The following ZNF862 variants were observed in gnomAD, a reference collection of about 807,000 sequenced individuals.
The protein encoded by ZNF862 is zinc finger protein 862.
In ZNF862, 64 loss-of-function variants were observed where a neutral mutation model predicts 91.1. The ratio of observed to expected loss-of-function variants is 0.70; its 90% CI spans 0.57 to 0.87. The LOEUF is 0.87. ZNF862 is among the 40% of genes least tolerant of loss of function. The pLI is 0.00. For synonymous variants in ZNF862, 631 were observed against 618.1 expected (o/e 1.02, Z -0.31); for missense variants, 1,459 against 1,528.0 (o/e 0.95, Z 0.75).
chr7:149,850,070 A>C lies in ZNF862; in HGVS notation c.940-91A>C. On this transcript the variant is annotated intron_variant, in intron 4 of 7. Coordinates refer to ENST00000223210, the MANE Select transcript of ZNF862 (RefSeq NM_001099220.3). The surrounding 1 kb of genome is among the most constrained non-coding windows in gnomAD (Gnocchi z 4.2). Reference sequence around the variant, plus strand: ...ATCTGGGCCTCTTGGTGAGCTTCCCAGGAGAAATAGGGCTTCCAAAGGCCC... The same window carrying C: ...ATCTGGGCCTCTTGGTGAGCTTCCCCGGAGAAATAGGGCTTCCAAAGGCCC... 1 of 1,390,508 alleles carries C rather than the reference A, an allele frequency of 7.2e-7. No individual in the cohort carries two copies. Among genetic ancestry groups the C allele is most frequent in the Non-Finnish European group, 9.9e-7 (1 of 1,006,252 alleles). 86.1% of individuals were successfully genotyped at this position (1,390,508 alleles called of 1,614,324 possible). A position where few individuals can be genotyped will look rare whatever the true frequency, so the allele number is the denominator to read the frequency against.
rs976210835 is a variant in ZNF862 at position 149,865,651 on chromosome 7, T to G, written c.*1367T>G. On this transcript the variant is annotated 3_prime_UTR_variant, in exon 8 of 8. Coordinates refer to ENST00000223210, the MANE Select transcript of ZNF862 (RefSeq NM_001099220.3). Reference sequence around the variant, plus strand: ...GGATGATTTTGTCTAGGTTCTGCCTTCCTTAACCATGGGCAGGAAATGAGG... The same window carrying G: ...GGATGATTTTGTCTAGGTTCTGCCTGCCTTAACCATGGGCAGGAAATGAGG... The G allele has an allele frequency of 5.3e-5, 8 of 152,216 alleles. No individual in the cohort carries two copies. Among genetic ancestry groups the G allele is most frequent in the Non-Finnish European group, 8.8e-5 (6 of 68,050 alleles). 9.4% of individuals were successfully genotyped at this position (152,216 alleles called of 1,614,324 possible). A position where few individuals can be genotyped will look rare whatever the true frequency, so the allele number is the denominator to read the frequency against.
intron 5 of ZNF862, chr7:149,851,491 AGAGT>A (rs1586053119): frequency 6.6e-6 from 1 of 152,240 alleles, no homozygotes; most frequent in Non-Finnish European, 1.5e-5. Context: ...AAGAGCAGTG[AGAGT>A]GAGGGCGAAA....
intron 1 of ZNF862, 55 bp downstream of exon 1, chr7:149,838,690 G>C: frequency 1.7e-6 from 2 of 1,158,594 alleles, no homozygotes; most frequent in Non-Finnish European, 2.2e-6. Flanking sequence ...CCCCGAGCCG[G>C]GCTCGGGCGA....
chr7:149,866,104 C>T lies in ZNF862; in HGVS notation c.*1820C>T, dbSNP rs541594167. On this transcript the variant is annotated 3_prime_UTR_variant, in exon 8 of 8. Coordinates refer to ENST00000223210, the MANE Select transcript of ZNF862 (RefSeq NM_001099220.3). ...TTTCATCCCCACCCCAGTACTTAGC[C>T]TTAGCACTGTTGCTTTCGTGTCATT... The T allele has an allele frequency of 8.3e-4, 127 of 152,352 alleles. No homozygotes were observed. Among genetic ancestry groups the T allele is most frequent in the African/African-American group, 2.9e-3 (121 of 41,580 alleles). The allele number at this position is 152,352 out of a possible 1,614,324, so 9.4% of individuals were successfully genotyped here.
intron 7 of ZNF862, among the ~76,000 whole-genome samples, 169 bp downstream of exon 7, chr7:149,862,663 G>C (rs1802561390): frequency 6.6e-6 from 1 of 152,226 alleles, no homozygotes; most frequent in African/African-American, 2.4e-5. Flanking sequence ...ACCCCTGCCA[G>C]GGAGATGACG....
chr7:149,858,450 A>G (rs768832578), intron 5 of ZNF862: 1 of 152,200 alleles, frequency 6.6e-6, no homozygotes, highest in Non-Finnish European at 1.5e-5. Flanking sequence ...ATTGACACAC[A>G]CATATATGTA....
chr7:149,842,142 G>A (rs965545720), intron 1 of ZNF862, among the ~76,000 whole-genome samples: 2 of 152,260 alleles, frequency 1.3e-5, no homozygotes, highest in African/African-American at 2.4e-5. Flanking sequence ...CGTGAATCGC[G>A]ACTTTATGGG....
chr7:149,858,194 T>C (rs539853286), intron 5 of ZNF862, among the ~76,000 whole-genome samples: 7 of 152,302 alleles, frequency 4.6e-5, no homozygotes, highest in African/African-American at 1.7e-4. Context: ...ACCAGCTTGC[T>C]TCTCCTTGTT....
At chr7:149,854,158 C>T (rs1802174687) in intron 5 of ZNF862, among the ~76,000 whole-genome samples, 1 of 152,146 alleles carries the variant, frequency 6.6e-6, no homozygotes. Context: ...GCTCTGGGGG[C>T]CTTTTCTTTC....
At position 149,861,481 on chromosome 7, in the gene ZNF862, T is replaced by C. The variant is rs764843373; in HGVS notation, c.2321T>C (p.Leu774Pro). 1 of 1,612,910 alleles carries C rather than the reference T, an allele frequency of 6.2e-7. No individual in the cohort carries two copies. The highest frequency in any genetic ancestry group is 8.5e-7 in the Non-Finnish European group (1 of 1,179,694). The part of the protein sequence containing the change: ...LNELQEGAAP[L>P]EQEIIRLKDL... ...GAGCTGCAGGAAGGTGCGGCGCCTCTGGAGCAGGAGATCATCCGCCTGAAG... is the reference window on the plus strand; with the variant it reads ...GAGCTGCAGGAAGGTGCGGCGCCTCCGGAGCAGGAGATCATCCGCCTGAAG... The change falls in exon 7 of 8, where the codon CTG (leucine) becomes CCG (proline). Residue 774 changes from leucine to proline, a missense_variant. Leu to Pro is a moderately conservative substitution (Grantham distance 98). Coordinates refer to ENST00000223210, the MANE Select transcript of ZNF862 (RefSeq NM_001099220.3). This position sits in a 1 kb window ranked among gnomAD's most constrained non-coding sequence, Gnocchi z 6.7.
intron 7 of ZNF862, among the ~76,000 whole-genome samples, chr7:149,862,796 T>C (rs1411585985): frequency 3.3e-5 from 5 of 152,224 alleles, no homozygotes; most frequent in Non-Finnish European, 2.9e-5. Context: ...GGCAAGTCTG[T>C]CCTTTGATGC....
intron 3 of ZNF862, 22 bp from the exon 4 acceptor site, chr7:149,847,713 C>T: frequency 6.4e-7 from 1 of 1,573,932 alleles, no homozygotes; most frequent in Non-Finnish European, 8.6e-7. Context: ...TAAAGCCAAT[C>T]CCTTCTGTCT....
chr7:149,863,851 C>T (rs968390819), intron 7 of ZNF862, among the ~76,000 whole-genome samples: 1 of 152,236 alleles, frequency 6.6e-6, no homozygotes, highest in Non-Finnish European at 1.5e-5. Context: ...GCACACACCC[C>T]ATTTGTGACC....
chr7:149,862,171 C>T lies in ZNF862; in HGVS notation c.3011C>T (p.Pro1004Leu), dbSNP rs751093318. Residue 1004 changes from proline (P) to leucine (L), a missense_variant, in exon 7 of 8, where the codon CCG (proline) becomes CTG (leucine). Coordinates refer to ENST00000223210, the MANE Select transcript of ZNF862 (RefSeq NM_001099220.3). ...LGLKTIAQHL[P>L]FSMLCKNALA... ...CTGAAAACCATTGCCCAGCACCTCC[C>T]GTTCTCCATGCTCTGCAAAAACGCC... 8.1e-6 allele frequency: 13 copies of T among 1,613,298 alleles called. No individual in the cohort carries two copies. The highest frequency in any genetic ancestry group is 4.5e-5 in the East Asian group (2 of 44,856).
intron 1 of ZNF862, among the ~76,000 whole-genome samples, chr7:149,839,527 C>G (rs1801629058): frequency 6.6e-6 from 1 of 152,200 alleles, no homozygotes. Context: ...GATCACCTTT[C>G]TCAAGGAGCT....
chr7:149,864,016 A>G lies in ZNF862; in HGVS notation c.3335-93A>G, dbSNP rs1802618265. The G allele has an allele frequency of 2.2e-6, 3 of 1,362,588 alleles. No homozygotes were observed. In the African/African-American group the frequency reaches 4.4e-5, roughly 20 times the overall value. 84.4% of individuals were successfully genotyped at this position (1,362,588 alleles called of 1,614,324 possible). The stretch of plus-strand genomic sequence containing the variant: ...GTCCTGACTTCAGTCTGTTCTGCCA[A>G]GCTTTCCTCACCAAACAGCCCCTGG... On this transcript the variant is annotated intron_variant, in intron 7 of 7. Coordinates refer to ENST00000223210, the MANE Select transcript of ZNF862 (RefSeq NM_001099220.3).
At chr7:149,857,894 C>T (rs1304894426) in intron 5 of ZNF862, among the ~76,000 whole-genome samples, 2 of 152,146 alleles carry the variant, frequency 1.3e-5, no homozygotes, top group African/African-American at 4.8e-5. Context: ...ATAGACATGA[C>T]TCGATCTCCC....
At position 149,838,389 on chromosome 7, in the gene ZNF862, T is replaced by C; in HGVS notation, c.-223T>C. On this transcript the variant is annotated 5_prime_UTR_variant, in exon 1 of 8. Transcript: ENST00000223210. Reference sequence around the variant, plus strand: ...TGGGGCTGGGCAGTGACCGTAAAGCTGTTCGCTCGGTGCGACGCAAGTCTC... The same window carrying C: ...TGGGGCTGGGCAGTGACCGTAAAGCCGTTCGCTCGGTGCGACGCAAGTCTC... 2.5e-6 allele frequency: 1 copy of C among 395,708 alleles called. No individual in the cohort carries two copies. Among genetic ancestry groups the C allele is most frequent in the Non-Finnish European group, 4.4e-6 (1 of 224,770 alleles). The allele number at this position is 395,708 out of a possible 1,614,324, so 24.5% of individuals were successfully genotyped here.
rs1802773996 is a variant in ZNF862 at position 149,867,400 on chromosome 7, A to G, written c.*3116A>G. The G allele has an allele frequency of 6.6e-6, 1 of 152,178 alleles. No individual in the cohort carries two copies. Among genetic ancestry groups the G allele is most frequent in the Non-Finnish European group, 1.5e-5 (1 of 68,036 alleles). The allele number at this position is 152,178 out of a possible 1,614,324, so 9.4% of individuals were successfully genotyped here. A position where few individuals can be genotyped will look rare whatever the true frequency, so the allele number is the denominator to read the frequency against. ...AGGGATGTTCTCTCCTCTATTTTCA[A>G]AGATGAAAGGAGGTTTTAAAAACCA... On this transcript the variant is annotated 3_prime_UTR_variant, in exon 8 of 8. Coordinates refer to ENST00000223210, the MANE Select transcript of ZNF862 (RefSeq NM_001099220.3).
Sources: gnomAD v4.1 joint callset for allele counts (sites outside exome capture counted in the v4.1 genomes callset) on GRCh38, gnomAD v4.1.1 for gene constraint, Gnocchi (gnomAD v3.1) non-coding constraint, MANE v1.5 for transcripts, NCBI Gene and HGNC (gene_info 2026-07-23, HGNC 2026-07-21) for gene names.